ASB16: variants seen among roughly 807,000 people sequenced by gnomAD.
ASB16 encodes ankyrin repeat and SOCS box protein 16.
Under a neutral mutation model 39.1 loss-of-function variants are expected in ASB16, and 44 were observed. The observed-to-expected ratio is 1.13, with a 90% CI of 0.88 to 1.45. The LOEUF is 1.45. ASB16 is among the 40% of genes most tolerant of loss of function. The probability of loss-of-function intolerance (pLI) is 0.00; values close to 1 mark genes in which losing one functional copy is unlikely to be tolerated. For missense variants in ASB16, 698 were observed against 634.5 expected, an observed-to-expected ratio of 1.10 and a Z score of -1.07; for synonymous variants, 305 against 286.7, an observed-to-expected ratio of 1.06 and a Z score of -0.64.
intron 3 of ASB16, 40 bp from the exon 4 acceptor site, chr17:44,177,569 T>C: frequency 6.2e-7 from 1 of 1,600,850 alleles, no homozygotes; most frequent in Non-Finnish European, 8.5e-7. Context: ...TGCCCTCGGG[T>C]GGGGGAGGCA....
rs2054234894 is a variant in ASB16 at position 44,170,715 on chromosome 17, G to C, written c.-75G>C. On this transcript the variant is annotated 5_prime_UTR_variant, in exon 1 of 5. Coordinates refer to ENST00000293414, the MANE Select transcript of ASB16 (RefSeq NM_080863.5). ...GTGGCGGGGGCAGGGTGGCTCCTCA[G>C]AGCAAGGGAGGTAGTCGGGTCGAGG... The C allele has an allele frequency of 6.0e-6, 9 of 1,492,800 alleles. No individual in the cohort carries two copies. Among genetic ancestry groups the C allele is most frequent in the Non-Finnish European group, 8.1e-6 (9 of 1,110,712 alleles). The allele number at this position is 1,492,800 out of a possible 1,614,324, so 92.5% of individuals were successfully genotyped here.
In ASB16 at chr17:44,170,801, G is replaced by C. The variant is rs568896513; in HGVS notation, c.12G>C (p.Glu4Asp). 3 of 1,599,504 alleles carry C rather than the reference G, an allele frequency of 1.9e-6. No homozygotes were observed. The highest frequency in any genetic ancestry group is 1.3e-5 in the African/African-American group (1 of 74,626). Reference protein sequence around the residue: MARETFPFTSSMLR... With the variant: MARDTFPFTSSMLR... ...CCTGGGCCCCATCCATGGCAAGAGA[G>C]ACCTTCCCCTTCACCTCCTCCATGC... Residue 4 changes from glutamate (E) to aspartate (D), a missense_variant, in exon 1 of 5, where the codon GAG becomes GAC. Transcript: ENST00000293414.
chr17:44,177,941 T>G, intron 4 of ASB16: 1 of 689,960 alleles, frequency 1.4e-6, no homozygotes, highest in Non-Finnish European at 2.4e-6. Flanking sequence ...AGCACAGACA[T>G]TTATCTGGCA....
intron 4 of ASB16, 107 bp downstream of exon 4, chr17:44,177,829 G>A (rs2054322382): frequency 1.4e-6 from 2 of 1,473,882 alleles, no homozygotes; most frequent in Non-Finnish European, 1.8e-6. Flanking sequence ...GGGTAGAGAG[G>A]ATGGGTAGAG....
At chr17:44,172,676 AG>A in intron 2 of ASB16, among the ~76,000 whole-genome samples, 1 of 151,840 alleles carries the variant, frequency 6.6e-6, no homozygotes, top group South Asian at 2.1e-4. Context: ...CCCAGGCTGT[AG>A]TGCAGTGGCG....
In ASB16 at chr17:44,176,720, T is replaced by C; in HGVS notation, c.570-18T>C. 8 of 1,613,996 alleles carry C rather than the reference T, an allele frequency of 5.0e-6. No individual in the cohort carries two copies. The highest frequency in any genetic ancestry group is 6.8e-6 in the Non-Finnish European group (8 of 1,179,884). ...AGCCTTCAGGATTTTCCTCAGGACC[T>C]TGCTCTCTTGTCCCCAGGTGCGCCA... On this transcript the variant is annotated intron_variant, in intron 2 of 4. Transcript: ENST00000293414.
intron 3 of ASB16, 55 bp downstream of exon 3, chr17:44,177,285 G>C (rs907541161): frequency 6.8e-7 from 1 of 1,471,480 alleles, no homozygotes; most frequent in African/African-American, 1.4e-5. Flanking sequence ...CCCGCGGCTG[G>C]AACTGCTCCG....
Position 44,170,904 on chromosome 17 carries a change from C to A in ASB16, c.115C>A (p.Arg39Ser), listed in dbSNP as rs768638576. 2 of 1,612,418 alleles carry A rather than the reference C, an allele frequency of 1.2e-6. No individual in the cohort carries two copies. Among genetic ancestry groups the A allele is most frequent in the Non-Finnish European group, 1.7e-6 (2 of 1,179,760 alleles). ...GGCGGCTGCCCAGCAGTGCCGGAGC[C>A]GCAGGTGCCCGTCAAGTCCCCGGGC... ...RRAAAQQCRS[R>S]RCPSSPRARL... The change falls in exon 1 of 5, where the codon CGC becomes AGC. Residue 39 changes from arginine (R) to serine (S), a missense_variant. Coordinates refer to ENST00000293414, the MANE Select transcript of ASB16 (RefSeq NM_080863.5).
chr17:44,171,159 T>A (rs1598120803), intron 1 of ASB16, 69 bp downstream of exon 1: 4 of 1,454,114 alleles, frequency 2.8e-6, no homozygotes, highest in Non-Finnish European at 3.7e-6. Context: ...AGGGGGAGAG[T>A]CTAGGCCCCT....
chr17:44,172,328 G>A lies in ASB16; in HGVS notation c.569+15G>A, dbSNP rs2054250315. On this transcript the variant is annotated intron_variant, in intron 2 of 4. Transcript: ENST00000293414. ...GAGTCCTTGCAGTAGGTGCCTGGGGGCTGAGACAGTTTGGGGAGAAATGTG... is the reference window on the plus strand; with the variant it reads ...GAGTCCTTGCAGTAGGTGCCTGGGGACTGAGACAGTTTGGGGAGAAATGTG... 1 of 1,598,774 alleles carries A rather than the reference G, an allele frequency of 6.3e-7. No individual in the cohort carries two copies. The highest frequency in any genetic ancestry group is 8.5e-7 in the Non-Finnish European group (1 of 1,175,790).
At chr17:44,171,683 C>T (rs921728621) in intron 1 of ASB16, among the ~76,000 whole-genome samples, 12 of 152,024 alleles carry the variant, frequency 7.9e-5, no homozygotes, top group African/African-American at 2.9e-4. Flanking sequence ...TGTGAGCCAC[C>T]ACCCCAGGCC....
chr17:44,172,092 C>T lies in ASB16; in HGVS notation c.348C>T (p.Ala116=), dbSNP rs767559010. The part of the protein sequence containing the change: ...TPKTKQTAPL[A]IATARGYTDC... ...AGACCAAGCAGACGGCACCCCTCGC[C>T]ATCGCTACAGCCCGAGGCTACACAG... Residue 116 remains alanine, a synonymous_variant, in exon 2 of 5, where the codon GCC becomes GCT. Coordinates refer to ENST00000293414, the MANE Select transcript of ASB16 (RefSeq NM_080863.5). The T allele has an allele frequency of 3.1e-6, 5 of 1,611,804 alleles. No homozygotes were observed. The Admixed American group carries it at 6.7e-5, about 22-fold the overall frequency.
intron 2 of ASB16, among the ~76,000 whole-genome samples, chr17:44,174,867 G>T (rs1044123509): frequency 6.6e-6 from 1 of 152,270 alleles, no homozygotes; most frequent in Non-Finnish European, 1.5e-5. Flanking sequence ...ACTTTGGGAG[G>T]CTGAGGCAGG....
At position 44,176,933 on chromosome 17, in the gene ASB16, G is replaced by A. The variant is rs1160589712; in HGVS notation, c.765G>A (p.Glu255=). ...TALNTACAGA[E]GPGSCRRHQA... ...TGAACACGGCGTGCGCTGGGGCCGAGGGCCCAGGTAGCTGCAGGCGACACC... is the reference window on the plus strand; with the variant it reads ...TGAACACGGCGTGCGCTGGGGCCGAAGGCCCAGGTAGCTGCAGGCGACACC... The change falls in exon 3 of 5, where the codon GAG becomes GAA. Residue 255 remains glutamate (E), a synonymous_variant. Coordinates refer to ENST00000293414, the MANE Select transcript of ASB16 (RefSeq NM_080863.5). 2 of 1,533,490 alleles carry A rather than the reference G, an allele frequency of 1.3e-6. No homozygotes were observed. Among genetic ancestry groups the A allele is most frequent in the Admixed American group, 2.1e-5 (1 of 47,036 alleles). 95.0% of individuals were successfully genotyped at this position (1,533,490 alleles called of 1,614,324 possible). A position where few individuals can be genotyped will look rare whatever the true frequency, so the allele number is the denominator to read the frequency against.
Position 44,172,062 on chromosome 17 carries a change from C to T in ASB16, c.318C>T (p.Thr106=), listed in dbSNP as rs747443541. Residue 106 remains threonine (T), a synonymous_variant, in exon 2 of 5, where the codon ACC becomes ACT. Coordinates refer to ENST00000293414, the MANE Select transcript of ASB16 (RefSeq NM_080863.5). The part of the protein sequence containing the change: ...WSAEQGFWVL[T]PKTKQTAPLA... ...TCTCCCTAGGGTTCTGGGTGCTGAC[C>T]CCCAAGACCAAGCAGACGGCACCCC... 1 of 1,612,384 alleles carries T rather than the reference C, an allele frequency of 6.2e-7. No individual in the cohort carries two copies.
At chr17:44,177,512 C>G (rs1041730770) in intron 3 of ASB16, 97 bp from the exon 4 acceptor site, 1 of 1,458,898 alleles carries the variant, frequency 6.9e-7, no homozygotes, top group Non-Finnish European at 9.3e-7. Flanking sequence ...CCTTAGCCCC[C>G]CAGATTAGGC....
At chr17:44,172,406 C>A in intron 2 of ASB16, 93 bp downstream of exon 2, 2 of 1,456,612 alleles carry the variant, frequency 1.4e-6, no homozygotes, top group South Asian at 1.3e-5. Flanking sequence ...CAACCACATG[C>A]AGCTTTGTGG....
chr17:44,178,753 G>A lies in ASB16; in HGVS notation c.*363G>A, dbSNP rs909073576. 1.5e-5 allele frequency: 4 copies of A among 264,998 alleles called. No homozygotes were observed. In the Admixed American group the frequency reaches 2.0e-4, roughly 13 times the overall value. The allele number at this position is 264,998 out of a possible 1,614,324, so 16.4% of individuals were successfully genotyped here. The stretch of plus-strand genomic sequence containing the variant: ...CAAAGTGTTGGGATTACAGGCATGA[G>A]CCACTGCGCCTGGTTGCCTGCCCCT... On this transcript the variant is annotated 3_prime_UTR_variant, in exon 5 of 5. Coordinates refer to ENST00000293414, the MANE Select transcript of ASB16 (RefSeq NM_080863.5).
At chr17:44,175,586 G>T (rs1462916746) in intron 2 of ASB16, among the ~76,000 whole-genome samples, 1 of 152,158 alleles carries the variant, frequency 6.6e-6, no homozygotes, top group South Asian at 2.1e-4. Context: ...TTGGGAAAGG[G>T]TATTTGATTA....
Sources: gnomAD v4.1 joint callset for allele counts (sites outside exome capture counted in the v4.1 genomes callset) on GRCh38, gnomAD v4.1.1 for gene constraint, MANE v1.5 for transcripts, NCBI Gene and HGNC (gene_info 2026-07-23, HGNC 2026-07-21) for gene names.